The following ZNF704 variants were observed in gnomAD, a reference collection of about 807,000 sequenced individuals.
ZNF704 encodes zinc finger protein 704.
Under a neutral mutation model 44.7 loss-of-function variants are expected in ZNF704, and 10 were observed. The observed-to-expected ratio is 0.22, with a 90% CI of 0.14 to 0.38. ZNF704 has a LOEUF of 0.38. Among genes scored for constraint, ZNF704 ranks in the 10% least tolerant of loss-of-function variants. The pLI is 1.00. For synonymous variants in ZNF704, 211 were observed against 207.6 expected, an observed-to-expected ratio of 1.02 and a Z score of -0.14; for missense variants, 390 against 545.5, an observed-to-expected ratio of 0.71 and a Z score of 2.84.
the ZNF704 span, among the ~76,000 whole-genome samples, chr8:80,883,561 T>C: frequency 6.6e-6 from 1 of 152,192 alleles, no homozygotes; most frequent in Admixed American, 6.5e-5. Flanking sequence ...AATAGCCACA[T>C]GTGACTAGTG....
intron 1 of ZNF704, among the ~76,000 whole-genome samples, chr8:80,836,222 C>T (rs553090415): frequency 1.4e-3 from 214 of 152,298 alleles, no homozygotes; most frequent in African/African-American, 4.9e-3. Flanking sequence ...TCTCCTACTT[C>T]CTCTCTTCAC....
intron 1 of ZNF704, among the ~76,000 whole-genome samples, chr8:80,827,932 T>C (rs1808406982): frequency 6.6e-6 from 1 of 152,178 alleles, no homozygotes; most frequent in Non-Finnish European, 1.5e-5. Flanking sequence ...CAAGATGGAT[T>C]AAAGACTTCA....
rs568088457 is a variant in ZNF704, at chr8:80,854,117, T to C, written c.-22+20454A>G. 5.6e-4 allele frequency among the ~76,000 whole-genome samples: 85 copies of C among 152,280 alleles called. 1 individual carries two copies. The highest frequency in any genetic ancestry group is 1.9e-3 in the African/African-American group (79 of 41,558). ...GAAATAATAATGACTGTGAGGATTA[T>C]AGGAAATACACAAGATATTGTGTAT... is the stretch of plus-strand genomic sequence containing the variant. On this transcript the variant is annotated intron_variant, in intron 1 of 8. Coordinates refer to ENST00000327835, the MANE Select transcript of ZNF704 (RefSeq NM_001033723.3).
intron 4 of ZNF704, among the ~76,000 whole-genome samples, chr8:80,673,728 T>C (rs1281840980): frequency 6.6e-6 from 1 of 152,220 alleles, no homozygotes. Flanking sequence ...AAATGGTACT[T>C]GGGAGCTTCC....
intron 1 of ZNF704, among the ~76,000 whole-genome samples, chr8:80,822,733 G>A (rs1488645413): frequency 6.6e-6 from 1 of 151,954 alleles, no homozygotes; most frequent in Non-Finnish European, 1.5e-5. Flanking sequence ...TTTAATGATT[G>A]CCATTCTAAC....
intron 4 of ZNF704, among the ~76,000 whole-genome samples, chr8:80,677,056 G>A (rs2131621589): frequency 6.6e-6 from 1 of 152,302 alleles, no homozygotes; most frequent in African/African-American, 2.4e-5. Context: ...TATTCATGAT[G>A]GGAAACAAGA....
At position 80,732,623 on chromosome 8, in the gene ZNF704, A is replaced by T. The variant is rs1354846541; in HGVS notation, c.222-39516T>A. Among the ~76,000 whole-genome samples, 6 of 152,232 alleles carry T rather than the reference A, an allele frequency of 3.9e-5. No homozygotes were observed. In the South Asian group the frequency reaches 1.2e-3, roughly 31 times the overall value. On this transcript the variant is annotated intron_variant, in intron 2 of 8. Coordinates refer to ENST00000327835, the MANE Select transcript of ZNF704 (RefSeq NM_001033723.3). ...CTTAAGTCTTTAGATGACTGCCCCC[A>T]GGCAAGATCTGATGGCAACCTCATG... is the stretch of plus-strand genomic sequence containing the variant.
chr8:80,699,575 T>C (rs1183636222), intron 2 of ZNF704, among the ~76,000 whole-genome samples: 5 of 152,194 alleles, frequency 3.3e-5, no homozygotes, highest in Non-Finnish European at 5.9e-5. Context: ...AAATTTTTAA[T>C]ATGTCATGGA....
chr8:80,851,988 T>C lies in ZNF704; in HGVS notation c.-22+22583A>G, dbSNP rs192721359. Among the ~76,000 whole-genome samples the C allele has an allele frequency of 2.9e-3, 449 of 152,296 alleles. 2 individuals carry two copies. The highest frequency in any genetic ancestry group is 6.1e-3 in the Admixed American group (93 of 15,298). Reference sequence around the variant, plus strand: ...AGTAAGGACTGAGGAAAAAAAAGTCTGTGTTCCTTTAGCCATACAAAGGGT... The same window carrying C: ...AGTAAGGACTGAGGAAAAAAAAGTCCGTGTTCCTTTAGCCATACAAAGGGT... On this transcript the variant is annotated intron_variant, in intron 1 of 8. Coordinates refer to ENST00000327835, the MANE Select transcript of ZNF704 (RefSeq NM_001033723.3).
chr8:80,644,832 A>C, intron 7 of ZNF704: 1 of 670,602 alleles, frequency 1.5e-6, no homozygotes, highest in Admixed American at 2.4e-5. Context: ...TTTAAATATC[A>C]AAGTGAGAAG....
intron 2 of ZNF704, among the ~76,000 whole-genome samples, chr8:80,757,700 C>G (rs1807060113): frequency 6.6e-6 from 1 of 152,084 alleles, no homozygotes; most frequent in Non-Finnish European, 1.5e-5. Flanking sequence ...CACAGGTATA[C>G]CATTTTTAAT....
At chr8:80,787,808 AC>A (rs1200073085) in intron 2 of ZNF704, among the ~76,000 whole-genome samples, 5 of 152,186 alleles carry the variant, frequency 3.3e-5, no homozygotes, top group Non-Finnish European at 7.4e-5. Flanking sequence ...CAAAAGCACC[AC>A]CAGTATGTTG....
At chr8:80,653,144 A>C (rs902122228) in intron 7 of ZNF704, among the ~76,000 whole-genome samples, 1 of 152,214 alleles carries the variant, frequency 6.6e-6, no homozygotes, top group Non-Finnish European at 1.5e-5. Flanking sequence ...ACTCTCAATA[A>C]ATTAGGTATT....
At chr8:80,694,937 A>C (rs951771600) in intron 2 of ZNF704, among the ~76,000 whole-genome samples, 3 of 152,230 alleles carry the variant, frequency 2.0e-5, no homozygotes, top group Non-Finnish European at 4.4e-5. Context: ...AAACAAGCTT[A>C]AGAGTGCACA....
intron 4 of ZNF704, among the ~76,000 whole-genome samples, chr8:80,676,983 C>T (rs185849624): frequency 6.6e-6 from 1 of 152,102 alleles, no homozygotes; most frequent in Non-Finnish European, 1.5e-5. Flanking sequence ...GAGTTGGGGA[C>T]CCCCGCCTTA....
chr8:80,709,894 A>G (rs965392096), intron 2 of ZNF704, among the ~76,000 whole-genome samples: 17 of 152,106 alleles, frequency 1.1e-4, no homozygotes, highest in Admixed American at 1.1e-3. Flanking sequence ...CGCTTGTAAG[A>G]TATCAGGGGT....
At chr8:80,815,127 AAGG>A (rs1449649411) in intron 2 of ZNF704, among the ~76,000 whole-genome samples, 2 of 152,188 alleles carry the variant, frequency 1.3e-5, no homozygotes, top group East Asian at 1.9e-4. Context: ...GGCACGCTAT[AAGG>A]AGAAGATGAT....
At chr8:80,659,884 G>C (rs964198195) in intron 6 of ZNF704, among the ~76,000 whole-genome samples, 195 bp from the exon 7 acceptor site, 6 of 152,042 alleles carry the variant, frequency 3.9e-5, no homozygotes, top group African/African-American at 1.5e-4. Context: ...ACCTAAGCAA[G>C]CTATCTAAGG....
intron 1 of ZNF704, among the ~76,000 whole-genome samples, chr8:80,839,846 G>C (rs913816434): frequency 3.3e-5 from 5 of 152,078 alleles, no homozygotes; most frequent in African/African-American, 9.7e-5. Context: ...TAATGAGAGA[G>C]AGAGAGAGAG....
Sources: allele counts gnomAD v4.1 joint callset (sites outside exome capture counted in the v4.1 genomes callset), GRCh38; gene constraint gnomAD v4.1.1; transcripts MANE v1.5; gene names NCBI Gene and HGNC (gene_info 2026-07-23, HGNC 2026-07-21).